The following DGLUCY variants were observed in gnomAD, a reference collection of about 807,000 sequenced individuals.
DGLUCY encodes D-glutamate cyclase.
Under a neutral mutation model 58.5 loss-of-function variants are expected in DGLUCY, and 58 were observed. The ratio of observed to expected loss-of-function variants is 0.99; its 90% CI spans 0.80 to 1.23. DGLUCY has a LOEUF of 1.23. Among genes scored for constraint, DGLUCY ranks in the 50% most tolerant of loss-of-function variants. The pLI is 0.00. For missense variants in DGLUCY, 779 were observed against 784.7 expected, an observed-to-expected ratio of 0.99 and a Z score of 0.09; for synonymous variants, 325 against 314.1, an observed-to-expected ratio of 1.03 and a Z score of -0.37.
intron 8 of DGLUCY, among the ~76,000 whole-genome samples, chr14:91,188,337 C>A (rs1362086796): frequency 6.6e-6 from 1 of 152,190 alleles, no homozygotes; most frequent in African/African-American, 2.4e-5. Flanking sequence ...ACAGAGAACC[C>A]AATCTCGCGG....
intron 1 of DGLUCY, among the ~76,000 whole-genome samples, chr14:91,084,088 A>G (rs1422428998): frequency 1.3e-5 from 2 of 152,078 alleles, no homozygotes; most frequent in Non-Finnish European, 2.9e-5. Flanking sequence ...TAGGGCTGGC[A>G]ATACATGTTG....
intron 1 of DGLUCY, chr14:91,115,253 G>A (rs1376205898): frequency 2.0e-5 from 3 of 152,566 alleles, no homozygotes; most frequent in Non-Finnish European, 4.4e-5. Flanking sequence ...AGAAGGAAAG[G>A]AGAGGCCGAG....
chr14:91,220,475 GC>G (rs1188771945), intron 13 of DGLUCY: 1 of 456,256 alleles, frequency 2.2e-6, no homozygotes, highest in Admixed American at 2.3e-5. Flanking sequence ...GTGTCCCTGA[GC>G]CAGGCTTGAT....
rs1054370719 is a variant in DGLUCY, at chr14:91,089,620, G to T, written c.-82+28916G>T. On this transcript the variant is annotated intron_variant, in intron 1 of 4. Coordinates refer to the DGLUCY transcript ENST00000521334. Reference sequence around the variant, plus strand: ...GCGGAACACTTGAGATCAGGAGTTTGAGACCAGCCTGGCCAACATGTGAAA... The same window carrying T: ...GCGGAACACTTGAGATCAGGAGTTTTAGACCAGCCTGGCCAACATGTGAAA... Among the ~76,000 whole-genome samples the T allele has an allele frequency of 5.9e-5, 9 of 152,088 alleles. 1 individual carries two copies. Among genetic ancestry groups the T allele is most frequent in the Admixed American group, 4.6e-4 (7 of 15,266 alleles).
chr14:91,184,579 G>C (rs1400490424), intron 8 of DGLUCY, among the ~76,000 whole-genome samples: 27 of 122,658 alleles, frequency 2.2e-4, no homozygotes, highest in South Asian at 5.9e-4. Context: ...AAGAAAGTTG[G>C]GGGGGGGGAG....
chr14:91,114,940 C>G (rs2044824423), intron 1 of DGLUCY: 3 of 152,384 alleles, frequency 2.0e-5, no homozygotes, highest in Non-Finnish European at 2.9e-5. Context: ...GCACAGGGGA[C>G]TGCAGTGGTG....
At chr14:91,163,254 C>T (rs1015526773) in intron 3 of DGLUCY, among the ~76,000 whole-genome samples, 3 of 151,120 alleles carry the variant, frequency 2.0e-5, no homozygotes, top group South Asian at 2.1e-4. Flanking sequence ...AGTGAGACTC[C>T]GTCTCAAAAA....
chr14:91,206,176 C>T (rs891356918), intron 12 of DGLUCY, among the ~76,000 whole-genome samples: 1 of 151,920 alleles, frequency 6.6e-6, no homozygotes, highest in African/African-American at 2.4e-5. Context: ...CAGCCTTCCA[C>T]GTGGGAGAGG....
chr14:91,129,091 G>T (rs1331450630), intron 1 of DGLUCY, among the ~76,000 whole-genome samples: 5 of 151,974 alleles, frequency 3.3e-5, no homozygotes, highest in African/African-American at 1.2e-4. Context: ...TTGAGCGTCA[G>T]GGGACCCAGT....
intron 1 of DGLUCY, among the ~76,000 whole-genome samples, chr14:91,073,127 G>T (rs1181378093): frequency 6.6e-6 from 1 of 152,124 alleles, no homozygotes; most frequent in Admixed American, 6.5e-5. Flanking sequence ...TGATTTATGT[G>T]GTGAAAAGGA....
chr14:91,097,357 C>T (rs2044411951), intron 1 of DGLUCY, among the ~76,000 whole-genome samples: 2 of 152,194 alleles, frequency 1.3e-5, no homozygotes, highest in East Asian at 1.9e-4. Flanking sequence ...GATTGCCTCA[C>T]TGGACTCCAG....
intron 1 of DGLUCY, among the ~76,000 whole-genome samples, chr14:91,136,489 C>G (rs1887349211): frequency 6.6e-6 from 1 of 151,836 alleles, no homozygotes; most frequent in South Asian, 2.1e-4. Flanking sequence ...TCAAGACCAG[C>G]CTGGCCAACA....
At chr14:91,211,177 CA>C (rs973671778) in intron 12 of DGLUCY, among the ~76,000 whole-genome samples, 1 of 151,922 alleles carries the variant, frequency 6.6e-6, no homozygotes. Context: ...TGAAAGGTAT[CA>C]AAAAAGAACT....
Position 91,225,076 on chromosome 14 carries a change from A to T in DGLUCY, c.*243A>T. On this transcript the variant is annotated 3_prime_UTR_variant, in exon 14 of 14. Coordinates refer to ENST00000256324, the MANE Select transcript of DGLUCY (RefSeq NM_001102368.3). ...TATTCCTAAGACTCTAAAGGCGTTGATTTCAACCCTCCTTCACTCTGGCTT... is the reference window on the plus strand; with the variant it reads ...TATTCCTAAGACTCTAAAGGCGTTGTTTTCAACCCTCCTTCACTCTGGCTT... The T allele has an allele frequency of 2.7e-6, 1 of 367,508 alleles. No homozygotes were observed. Among genetic ancestry groups the T allele is most frequent in the Non-Finnish European group, 4.8e-6 (1 of 209,422 alleles). The allele number at this position is 367,508 out of a possible 1,614,324, so 22.8% of individuals were successfully genotyped here. A position where few individuals can be genotyped will look rare whatever the true frequency, so the allele number is the denominator to read the frequency against.
rs572492079 is a variant in DGLUCY at position 91,075,045 on chromosome 14, G to A, written c.-82+14341G>A. 3.7e-4 allele frequency among the ~76,000 whole-genome samples: 55 copies of A among 149,146 alleles called. No individual in the cohort carries two copies. The South Asian group carries it at 0.011, about 31-fold the overall frequency. On this transcript the variant is annotated intron_variant, in intron 1 of 4. Coordinates refer to the DGLUCY transcript ENST00000521334. ...CAAGATCGTGCCATTGCACTCCAGCGTGGGCAACAAGAGAGAAACTCCGTC... is the reference window on the plus strand; with the variant it reads ...CAAGATCGTGCCATTGCACTCCAGCATGGGCAACAAGAGAGAAACTCCGTC...
At chr14:91,135,422 G>A (rs1266169990) in intron 1 of DGLUCY, among the ~76,000 whole-genome samples, 1 of 152,084 alleles carries the variant, frequency 6.6e-6, no homozygotes, top group Non-Finnish European at 1.5e-5. Context: ...GGCCAAAGCG[G>A]GCGGATCACC....
chr14:91,218,583 A>T (rs1224701996), intron 13 of DGLUCY, among the ~76,000 whole-genome samples: 1 of 151,644 alleles, frequency 6.6e-6, no homozygotes, highest in East Asian at 2.0e-4. Context: ...TTGTATTTTT[A>T]ATGGTGACGG....
chr14:91,224,909 C>T lies in DGLUCY; in HGVS notation c.*76C>T, dbSNP rs888209848. 1.3e-5 allele frequency: 18 copies of T among 1,432,780 alleles called. No homozygotes were observed. Among genetic ancestry groups the T allele is most frequent in the South Asian group, 2.9e-5 (2 of 70,114 alleles). The allele number at this position is 1,432,780 out of a possible 1,614,324, so 88.8% of individuals were successfully genotyped here. A position where few individuals can be genotyped will look rare whatever the true frequency, so the allele number is the denominator to read the frequency against. On this transcript the variant is annotated 3_prime_UTR_variant, in exon 14 of 14. Coordinates refer to ENST00000256324, the MANE Select transcript of DGLUCY (RefSeq NM_001102368.3). ...CCGGGGAGAATGCAGCTGCTTCTGG[C>T]GACAATCCTGCTAGTAAACACTGGT...
chr14:91,072,323 C>CAAAAAAAAAAA (rs113763715), intron 1 of DGLUCY, among the ~76,000 whole-genome samples: 1 of 129,660 alleles, frequency 7.7e-6, no homozygotes, highest in African/African-American at 2.8e-5. Context: ...GACTCTGTCT[C>CAAAAAAAAAAA]AAAAAAAAAA....
Sources: gnomAD v4.1 joint callset for allele counts (sites outside exome capture counted in the v4.1 genomes callset) on GRCh38, gnomAD v4.1.1 for gene constraint, MANE v1.5 for transcripts, NCBI Gene and HGNC (gene_info 2026-07-23, HGNC 2026-07-21) for gene names.